The following NRXN1 variants were observed in gnomAD, a reference collection of about 807,000 sequenced individuals.
NRXN1 encodes the protein neurexin 1, also known as neurexin-1.
Under a neutral mutation model 150.9 loss-of-function variants are expected in NRXN1, and 39 were observed. The ratio of observed to expected loss-of-function variants is 0.26; its 90% CI spans 0.20 to 0.34. NRXN1 has a LOEUF of 0.34. NRXN1 is among the 10% of genes least tolerant of loss of function. The probability of loss-of-function intolerance (pLI) is 1.00; values close to 1 mark genes in which losing one functional copy is unlikely to be tolerated. For missense variants in NRXN1, 1,815 were observed against 1,949.9 expected (o/e 0.93, Z 1.30); for synonymous variants, 924 against 757.0 (o/e 1.22, Z -3.62).
chr2:50,030,994 G>C (rs1488697362), intron 21 of NRXN1, among the ~76,000 whole-genome samples: 1 of 151,974 alleles, frequency 6.6e-6, no homozygotes, highest in East Asian at 1.9e-4. Context: ...AATGGGGAGA[G>C]AGGGGGACAA....
chr2:50,264,377 A>G (rs945515815), intron 17 of NRXN1, among the ~76,000 whole-genome samples: 9 of 152,096 alleles, frequency 5.9e-5, no homozygotes. Context: ...CTAGCCATTC[A>G]TTCCTTCTAA....
intron 17 of NRXN1, among the ~76,000 whole-genome samples, chr2:50,335,886 T>C (rs1575130009): frequency 8.4e-6 from 1 of 118,716 alleles, no homozygotes; most frequent in East Asian, 2.6e-4. Context: ...CCTCAGTCCT[T>C]TCTGTTTTTT....
rs112668699 is a variant in NRXN1 at position 50,188,569 on chromosome 2, C to A, written c.3546+48220G>T. Among the ~76,000 whole-genome samples, 451 of 152,138 alleles carry A rather than the reference C, an allele frequency of 3.0e-3. 1 individual carries two copies. The highest frequency in any genetic ancestry group is 0.01 in the African/African-American group (430 of 41,512). On this transcript the variant is annotated intron_variant, in intron 18 of 22. Coordinates refer to ENST00000401669, the MANE Select transcript of NRXN1 (RefSeq NM_001330078.2). ...GCTTCTGCATAGCAAAATAAACTAT[C>A]ATTAGAGTGAATAGGTAACCTACAG...
In NRXN1 at chr2:50,148,761, G is replaced by A. The variant is rs928522453; in HGVS notation, c.3547-57267C>T. Among the ~76,000 whole-genome samples the A allele has an allele frequency of 7.9e-5, 12 of 151,780 alleles. No homozygotes were observed. In the South Asian group the frequency reaches 1.9e-3, roughly 24 times the overall value. The stretch of plus-strand genomic sequence containing the variant: ...GTTTAATCAGATTCTCAGTAGCAAT[G>A]TGATGTCAATCGGGATGATTAAATA... On this transcript the variant is annotated intron_variant, in intron 18 of 22. Transcript: ENST00000401669.
intron 17 of NRXN1, among the ~76,000 whole-genome samples, chr2:50,285,843 T>C (rs545520022): frequency 1.3e-5 from 2 of 149,370 alleles, no homozygotes; most frequent in East Asian, 4.0e-4. Flanking sequence ...CATTTGACAG[T>C]GTATAAAAGA....
At chr2:49,925,925 T>A (rs1419540994) in intron 22 of NRXN1, among the ~76,000 whole-genome samples, 1 of 152,196 alleles carries the variant, frequency 6.6e-6, no homozygotes, top group Non-Finnish European at 1.5e-5. Context: ...TCTTGAATCT[T>A]CAAAGATTAA....
chr2:50,564,191 G>T (rs775896857), intron 8 of NRXN1, among the ~76,000 whole-genome samples: 6 of 152,132 alleles, frequency 3.9e-5, no homozygotes, highest in Non-Finnish European at 5.9e-5. Flanking sequence ...TTTATCAAAT[G>T]AGATTATGAA....
intron 15 of NRXN1, among the ~76,000 whole-genome samples, chr2:50,491,276 G>A (rs989258300): frequency 6.6e-6 from 1 of 152,182 alleles, no homozygotes; most frequent in Non-Finnish European, 1.5e-5. Flanking sequence ...GGGGATATGT[G>A]TTATATTCAG....
intron 21 of NRXN1, among the ~76,000 whole-genome samples, chr2:49,962,734 C>T (rs1676204064): frequency 1.3e-5 from 2 of 152,110 alleles, no homozygotes; most frequent in East Asian, 3.9e-4. Context: ...CACGGTGGCT[C>T]ATGAGGTCAG....
chr2:51,021,149 C>A (rs1313427308), intron 2 of NRXN1, among the ~76,000 whole-genome samples: 3 of 151,528 alleles, frequency 2.0e-5, no homozygotes, highest in Non-Finnish European at 3.0e-5. Flanking sequence ...TTTAATAAAC[C>A]AAAAAACTTT....
At chr2:50,482,034 C>G (rs944979158) in intron 15 of NRXN1, among the ~76,000 whole-genome samples, 1 of 137,344 alleles carries the variant, frequency 7.3e-6, no homozygotes, top group African/African-American at 3.6e-5. Flanking sequence ...TCCCAAAGTG[C>G]TGGGATTACA....
At chr2:50,308,422 G>T (rs767016538) in intron 17 of NRXN1, among the ~76,000 whole-genome samples, 1 of 151,906 alleles carries the variant, frequency 6.6e-6, no homozygotes, top group East Asian at 1.9e-4. Flanking sequence ...TGAATTTCTG[G>T]GCTCAGGCAG....
chr2:50,831,001 A>AAT (rs935958191), intron 5 of NRXN1, among the ~76,000 whole-genome samples: 1 of 152,138 alleles, frequency 6.6e-6, no homozygotes, highest in African/African-American at 2.4e-5. Flanking sequence ...GAGGTACATG[A>AAT]AATGTTTTGA....
At chr2:50,783,678 T>A (rs1464802046) in intron 5 of NRXN1, among the ~76,000 whole-genome samples, 1 of 152,134 alleles carries the variant, frequency 6.6e-6, no homozygotes, top group Non-Finnish European at 1.5e-5. Context: ...TCTCTAGTAC[T>A]CTAGCTACAT....
At chr2:50,141,167 G>A (rs536443504) in intron 18 of NRXN1, among the ~76,000 whole-genome samples, 6 of 152,130 alleles carry the variant, frequency 3.9e-5, no homozygotes, top group Non-Finnish European at 7.4e-5. Context: ...ATAAGAGAGT[G>A]ATTAGCATGC....
chr2:50,979,833 A>G (rs1696502356), intron 2 of NRXN1, among the ~76,000 whole-genome samples: 1 of 152,130 alleles, frequency 6.6e-6, no homozygotes, highest in Admixed American at 6.6e-5. Flanking sequence ...TCAACCTTTA[A>G]TATCTATTTT....
rs34696615 is a variant in NRXN1 at position 50,725,207 on chromosome 2, CTTTT to C, written c.833-101596_833-101593del. Among the ~76,000 whole-genome samples, 11 of 147,204 alleles carry C rather than the reference CTTTT, an allele frequency of 7.5e-5. 1 individual carries two copies. The highest frequency in any genetic ancestry group is 2.0e-4 in the Admixed American group (3 of 14,656). ...CCTTGTCATTTAATCTCTGAAAAAC[CTTTT>C]TTTTTTAACCTATTAAATGTGTTGG... is the stretch of plus-strand genomic sequence containing the variant. On this transcript the variant is annotated intron_variant, in intron 5 of 22. Transcript: ENST00000401669.
At chr2:50,074,176 G>A (rs1696714257) in intron 19 of NRXN1, among the ~76,000 whole-genome samples, 1 of 152,028 alleles carries the variant, frequency 6.6e-6, no homozygotes, top group African/African-American at 2.4e-5. Flanking sequence ...ATTATCAAGA[G>A]TACATCATTT....
chr2:50,073,637 T>C (rs1696622549), intron 19 of NRXN1, among the ~76,000 whole-genome samples: 1 of 152,182 alleles, frequency 6.6e-6, no homozygotes. Context: ...TTGACATTAA[T>C]ATTTAGATAT....
Sources: allele counts gnomAD v4.1 joint callset (sites outside exome capture counted in the v4.1 genomes callset), GRCh38; gene constraint gnomAD v4.1.1; transcripts MANE v1.5; gene names NCBI Gene and HGNC (gene_info 2026-07-23, HGNC 2026-07-21).